CACNG2: variants seen among roughly 807,000 people sequenced by gnomAD.
The protein encoded by CACNG2 is voltage-dependent calcium channel gamma-2 subunit.
CACNG2 carries 3 observed loss-of-function variants against 25.9 expected under a neutral mutation model. That is an observed-to-expected ratio of 0.12 (90% CI 0.05 to 0.30). The LOEUF (loss-of-function observed/expected upper bound fraction) is 0.30. CACNG2 is among the 10% of genes least tolerant of loss of function. The pLI is 1.00. For missense variants in CACNG2, 341 were observed against 432.5 expected, an observed-to-expected ratio of 0.79 and a Z score of 1.88; for synonymous variants, 167 against 173.3, an observed-to-expected ratio of 0.96 and a Z score of 0.29.
intron 1 of CACNG2, among the ~76,000 whole-genome samples, chr22:36,643,185 C>T (rs894782405): frequency 6.8e-6 from 1 of 147,914 alleles, no homozygotes; most frequent in African/African-American, 2.5e-5. Context: ...TTCTTTCCTT[C>T]CCTCTCCTTT....
chr22:36,671,463 T>C (rs1053126025), intron 1 of CACNG2, among the ~76,000 whole-genome samples: 7 of 152,192 alleles, frequency 4.6e-5, no homozygotes, highest in Non-Finnish European at 1.0e-4. Flanking sequence ...CAAATTGGTA[T>C]GTGCTTGATG....
At position 36,563,681 on chromosome 22, in the gene CACNG2, A is replaced by G. The variant is rs1167641296; in HGVS notation, c.*670T>C. ...CTGGGCGGAGCCGGCTCGAGCTCTG[A>G]GCCTTCCTGGAGTTCCTGGGGCACC... On this transcript the variant is annotated 3_prime_UTR_variant, in exon 4 of 4. Coordinates refer to ENST00000300105, the MANE Select transcript of CACNG2 (RefSeq NM_006078.5). Among the ~76,000 whole-genome samples, 1 of 151,786 alleles carries G rather than the reference A, an allele frequency of 6.6e-6. No individual in the cohort carries two copies. Among genetic ancestry groups the G allele is most frequent in the Middle Eastern group, 3.2e-3 (1 of 316 alleles).
chr22:36,569,504 T>C (rs1256691941), intron 2 of CACNG2, among the ~76,000 whole-genome samples: 1 of 152,186 alleles, frequency 6.6e-6, no homozygotes, highest in Admixed American at 6.5e-5. Context: ...GTTTTTCCCC[T>C]GTGTAACATG....
At chr22:36,701,638 G>A (rs1324125561) in intron 1 of CACNG2, among the ~76,000 whole-genome samples, 1 of 152,014 alleles carries the variant, frequency 6.6e-6, no homozygotes, top group South Asian at 2.1e-4. Context: ...TCACTCTGTG[G>A]AAGCCTAACC....
chr22:36,567,230 GT>G (rs1255219316), intron 2 of CACNG2, among the ~76,000 whole-genome samples: 3 of 152,218 alleles, frequency 2.0e-5, no homozygotes, highest in African/African-American at 7.2e-5. Flanking sequence ...ACTTAGATAA[GT>G]TTCTGGTGTC....
At chr22:36,604,056 A>T (rs1469383158) in intron 1 of CACNG2, among the ~76,000 whole-genome samples, 2 of 152,248 alleles carry the variant, frequency 1.3e-5, no homozygotes, top group African/African-American at 4.8e-5. Flanking sequence ...GATGCCAATA[A>T]GAACATTTGT....
intron 1 of CACNG2, among the ~76,000 whole-genome samples, chr22:36,670,921 CT>C (rs746898344): frequency 0.041 from 5,488 of 132,776 alleles, 270 homozygotes; most frequent in African/African-American, 0.13. Flanking sequence ...AGTCTATATT[CT>C]TTTTTTTTTT....
chr22:36,565,201 T>G (rs1438305580), intron 3 of CACNG2, among the ~76,000 whole-genome samples: 1 of 152,226 alleles, frequency 6.6e-6, no homozygotes, highest in Non-Finnish European at 1.5e-5. Context: ...CTCTACCTGC[T>G]TTCACTGCTT....
intron 1 of CACNG2, among the ~76,000 whole-genome samples, chr22:36,699,430 A>AC (rs1937383320): frequency 6.6e-6 from 1 of 151,940 alleles, no homozygotes; most frequent in Non-Finnish European, 1.5e-5. Context: ...AGAGGCAAGG[A>AC]CATTTTTTTT....
chr22:36,655,799 T>C (rs2145979364), intron 1 of CACNG2, among the ~76,000 whole-genome samples: 1 of 150,780 alleles, frequency 6.6e-6, no homozygotes, highest in South Asian at 2.1e-4. Flanking sequence ...CTTCCTTCTT[T>C]CTTCTTTCTT....
At chr22:36,645,651 T>C (rs1379466290) in intron 1 of CACNG2, among the ~76,000 whole-genome samples, 3 of 152,114 alleles carry the variant, frequency 2.0e-5, no homozygotes, top group Admixed American at 2.0e-4. Context: ...GGAGAATATA[T>C]TTTCTTCCTT....
At position 36,582,234 on chromosome 22, in the gene CACNG2, C is replaced by T. The variant is rs115025975; in HGVS notation, c.295+5231G>A. 8.0e-3 allele frequency among the ~76,000 whole-genome samples: 1,210 copies of T among 152,172 alleles called. 12 individuals are homozygous for T. The highest frequency in any genetic ancestry group is 0.028 in the African/African-American group (1,148 of 41,502). On this transcript the variant is annotated intron_variant, in intron 2 of 3. Transcript: ENST00000300105. ...GATGGTGTCTGTCAATCAGAGCAAA[C>T]CCCCAAATTCTCGCTGCAACCCACA...
At chr22:36,683,876 G>A (rs745371413) in intron 1 of CACNG2, among the ~76,000 whole-genome samples, 2 of 152,058 alleles carry the variant, frequency 1.3e-5, no homozygotes, top group Non-Finnish European at 2.9e-5. Context: ...CCTGGCTGTC[G>A]TCCACACCAC....
At chr22:36,613,958 C>T (rs1001225809) in intron 1 of CACNG2, among the ~76,000 whole-genome samples, 4 of 152,116 alleles carry the variant, frequency 2.6e-5, no homozygotes, top group African/African-American at 9.7e-5. Flanking sequence ...TGGACCCCTA[C>T]CAACCGTTCC....
intron 1 of CACNG2, among the ~76,000 whole-genome samples, chr22:36,611,785 A>G (rs1380825123): frequency 6.6e-6 from 1 of 152,040 alleles, no homozygotes; most frequent in Non-Finnish European, 1.5e-5. Context: ...AGGCCTCAGC[A>G]GTTGTGAAAT....
At chr22:36,568,049 T>C (rs1236745851) in intron 2 of CACNG2, among the ~76,000 whole-genome samples, 4 of 152,046 alleles carry the variant, frequency 2.6e-5, no homozygotes, top group South Asian at 4.1e-4. Flanking sequence ...GGGGTTTCAC[T>C]ATGTTGGCCA....
intron 1 of CACNG2, among the ~76,000 whole-genome samples, chr22:36,659,228 G>A (rs1936752385): frequency 6.6e-6 from 1 of 152,088 alleles, no homozygotes. Flanking sequence ...GTGGGTGAGG[G>A]CCTGGGCAGC....
intron 1 of CACNG2, among the ~76,000 whole-genome samples, chr22:36,588,706 A>T (rs967463395): frequency 1.3e-5 from 2 of 152,164 alleles, no homozygotes; most frequent in African/African-American, 4.8e-5. Flanking sequence ...TCCCTGGCAG[A>T]TTGTCGTGGA....
chr22:36,588,150 G>A (rs9619621), intron 1 of CACNG2, among the ~76,000 whole-genome samples: 49,701 of 152,024 alleles, frequency 0.33, 8,450 homozygotes, highest in African/African-American at 0.42. Flanking sequence ...TTGAACTACA[G>A]CTCATTTTGG....
Sources: gnomAD v4.1 joint callset for allele counts (sites outside exome capture counted in the v4.1 genomes callset) on GRCh38, gnomAD v4.1.1 for gene constraint, MANE v1.5 for transcripts, NCBI Gene and HGNC (gene_info 2026-07-23, HGNC 2026-07-21) for gene names.